CFAP54: variants seen among roughly 807,000 people sequenced by gnomAD.
The protein encoded by CFAP54 is cilia- and flagella-associated protein 54.
A neutral mutation model predicts 370.4 loss-of-function variants in CFAP54; 290 were observed. The ratio of observed to expected loss-of-function variants is 0.78; its 90% confidence interval spans 0.71 to 0.86. The LOEUF (loss-of-function observed/expected upper bound fraction) is 0.86, where lower values mean the gene tolerates loss of function less well. CFAP54 is among the 40% of genes least tolerant of loss of function. CFAP54 has a pLI of 0.00. For synonymous variants in CFAP54, 1,206 were observed against 1,236.5 expected (o/e 0.98, Z 0.52); for missense variants, 3,399 against 3,528.7 (o/e 0.96, Z 0.93).
At chr12:96,858,120 C>T (rs1231274018) in intron 66 of CFAP54, among the ~76,000 whole-genome samples, 3 of 152,158 alleles carry the variant, frequency 2.0e-5, no homozygotes, top group Non-Finnish European at 4.4e-5. Context: ...GTTACACTCC[C>T]ACCAACAGTG....
intron 65 of CFAP54, among the ~76,000 whole-genome samples, chr12:96,825,470 A>T (rs1392626926): frequency 8.6e-6 from 1 of 116,574 alleles, no homozygotes; most frequent in African/African-American, 3.6e-5. Flanking sequence ...ATAATATATT[A>T]TATATATTAT....
At chr12:96,675,943 TG>T (rs903115931) in intron 39 of CFAP54, among the ~76,000 whole-genome samples, 6 of 95,768 alleles carry the variant, frequency 6.3e-5, no homozygotes, top group Non-Finnish European at 2.2e-5. Flanking sequence ...TGTTTTGGGG[TG>T]GGGGGCAGGG....
At chr12:96,559,682 A>G (rs927436367) in intron 17 of CFAP54, among the ~76,000 whole-genome samples, 1 of 152,126 alleles carries the variant, frequency 6.6e-6, no homozygotes, top group Non-Finnish European at 1.5e-5. Flanking sequence ...ATACATATAC[A>G]TGGACATATC....
chr12:96,774,921 A>G (rs1393817560), intron 60 of CFAP54, among the ~76,000 whole-genome samples: 2 of 152,154 alleles, frequency 1.3e-5, no homozygotes, highest in Non-Finnish European at 2.9e-5. Flanking sequence ...ATGCCACTAT[A>G]TTTACTTTAT....
chr12:96,868,056 C>T (rs1014852437), intron 67 of CFAP54, among the ~76,000 whole-genome samples: 24 of 152,138 alleles, frequency 1.6e-4, no homozygotes, highest in African/African-American at 5.8e-4. Context: ...AAAAAAGACT[C>T]ATACCTAATG....
intron 9 of CFAP54, among the ~76,000 whole-genome samples, chr12:96,532,340 G>A (rs1363395409): frequency 6.6e-6 from 1 of 152,206 alleles, no homozygotes; most frequent in East Asian, 1.9e-4. Context: ...GCCTTTAGGT[G>A]AGTTTAGTGT....
intron 45 of CFAP54, among the ~76,000 whole-genome samples, chr12:96,697,564 A>AG (rs1465005787): frequency 6.6e-6 from 1 of 152,172 alleles, no homozygotes; most frequent in Non-Finnish European, 1.5e-5. Context: ...ATTTCCCACT[A>AG]GCCCACCTTT....
intron 66 of CFAP54, among the ~76,000 whole-genome samples, chr12:96,838,498 A>T (rs1959193531): frequency 2.6e-5 from 4 of 152,126 alleles, no homozygotes; most frequent in Admixed American, 2.6e-4. Flanking sequence ...CTCAAGAAAC[A>T]ATCATGGCAG....
chr12:96,864,464 T>C (rs994669655), intron 67 of CFAP54, among the ~76,000 whole-genome samples: 6 of 152,194 alleles, frequency 3.9e-5, no homozygotes, highest in African/African-American at 7.2e-5. Context: ...ATAGGCACTT[T>C]ACACAGTCCC....
chr12:96,787,815 T>C (rs1014656362), intron 62 of CFAP54, among the ~76,000 whole-genome samples: 1 of 152,116 alleles, frequency 6.6e-6, no homozygotes, highest in African/African-American at 2.4e-5. Context: ...GGATTAATAC[T>C]AGCAGAAATA....
intron 1 of CFAP54, among the ~76,000 whole-genome samples, 163 bp downstream of exon 1, chr12:96,490,089 G>A (rs541098470): frequency 1.3e-5 from 2 of 152,256 alleles, no homozygotes; most frequent in Non-Finnish European, 2.9e-5. Flanking sequence ...GAGACTCGTC[G>A]CTCTTAACAA....
At chr12:96,644,064 CAT>C in intron 32 of CFAP54, 112 bp from the exon 33 acceptor site, 1 of 701,662 alleles carries the variant, frequency 1.4e-6, no homozygotes, top group Non-Finnish European at 2.3e-6. Context: ...GAAACATTAG[CAT>C]AAGGGCAGTC....
At chr12:96,865,932 A>C (rs1183894441) in intron 67 of CFAP54, among the ~76,000 whole-genome samples, 1 of 152,130 alleles carries the variant, frequency 6.6e-6, no homozygotes, top group East Asian at 1.9e-4. Flanking sequence ...TTTCAATATA[A>C]GATAGTAGAG....
At chr12:96,859,487 C>T (rs1054218660) in intron 66 of CFAP54, among the ~76,000 whole-genome samples, 14 of 151,962 alleles carry the variant, frequency 9.2e-5, no homozygotes, top group African/African-American at 3.4e-4. Flanking sequence ...CTTGCTGCAG[C>T]CTCTGCCTCC....
At chr12:96,662,021 A>C (rs991906675) in intron 38 of CFAP54, among the ~76,000 whole-genome samples, 1 of 152,128 alleles carries the variant, frequency 6.6e-6, no homozygotes, top group Non-Finnish European at 1.5e-5. Context: ...GGTTACCAAG[A>C]GCTCTACCCT....
At chr12:96,721,822 G>A (rs953325173) in intron 50 of CFAP54, among the ~76,000 whole-genome samples, 2 of 152,056 alleles carry the variant, frequency 1.3e-5, no homozygotes, top group South Asian at 4.1e-4. Context: ...TAATAAACAT[G>A]CTGGCAATAA....
intron 26 of CFAP54, among the ~76,000 whole-genome samples, chr12:96,616,022 C>G (rs1213633875): frequency 6.6e-6 from 1 of 152,098 alleles, no homozygotes; most frequent in Non-Finnish European, 1.5e-5. Context: ...GGTATATACC[C>G]AAAGGATTAT....
intron 45 of CFAP54, among the ~76,000 whole-genome samples, chr12:96,697,927 C>T (rs1050627399): frequency 6.6e-6 from 1 of 152,192 alleles, no homozygotes; most frequent in Non-Finnish European, 1.5e-5. Context: ...CTCCTGACCT[C>T]CTCCCCTTGC....
At chr12:96,520,593 T>C (rs577057475) in intron 6 of CFAP54, among the ~76,000 whole-genome samples, 57 of 152,282 alleles carry the variant, frequency 3.7e-4, no homozygotes, top group Admixed American at 9.8e-4. Context: ...CTGTATCAAT[T>C]TGAAAAAGGC....
Sources: gnomAD v4.1 joint callset for allele counts (sites outside exome capture counted in the v4.1 genomes callset) on GRCh38, gnomAD v4.1.1 for gene constraint, MANE v1.5 for transcripts, NCBI Gene and HGNC (gene_info 2026-07-23, HGNC 2026-07-21) for gene names.